The following GALNT18 variants were observed in gnomAD, a reference collection of about 807,000 sequenced individuals.
The protein encoded by GALNT18 is polypeptide N-acetylgalactosaminyltransferase 18.
In GALNT18, 44 loss-of-function variants were observed where a neutral mutation model predicts 69.5. The observed-to-expected ratio is 0.63, with a 90% CI of 0.50 to 0.81. The LOEUF (loss-of-function observed/expected upper bound fraction) is 0.81, where lower values mean the gene tolerates loss of function less well. Ranked by LOEUF, GALNT18 falls within the 40% of genes least tolerant of loss-of-function variation. The pLI, the probability that GALNT18 is intolerant of heterozygous loss-of-function variation, is 0.00. For missense variants in GALNT18, 715 were observed against 810.0 expected, an observed-to-expected ratio of 0.88 and a Z score of 1.42; for synonymous variants, 364 against 318.2, an observed-to-expected ratio of 1.14 and a Z score of -1.53.
chr11:11,414,256 A>C (rs910094248), intron 3 of GALNT18, among the ~76,000 whole-genome samples: 1 of 152,234 alleles, frequency 6.6e-6, no homozygotes, highest in Non-Finnish European at 1.5e-5. Context: ...AGAGCTTCAA[A>C]AATGCCCATT....
intron 1 of GALNT18, among the ~76,000 whole-genome samples, chr11:11,502,722 C>G (rs188440492): frequency 6.6e-6 from 1 of 152,162 alleles, no homozygotes; most frequent in Non-Finnish European, 1.5e-5. Context: ...ATTTGGCAGC[C>G]GCAGACTTTG....
At position 11,315,536 on chromosome 11, in the gene GALNT18, A is replaced by G. The variant is rs747608318; in HGVS notation, c.1512+11550T>C. Among the ~76,000 whole-genome samples, 5 of 151,906 alleles carry G rather than the reference A, an allele frequency of 3.3e-5. No individual in the cohort carries two copies. Among genetic ancestry groups the G allele is most frequent in the Admixed American group, 2.0e-4 (3 of 15,248 alleles). On this transcript the variant is annotated intron_variant, in intron 9 of 10. Coordinates refer to ENST00000227756, the MANE Select transcript of GALNT18 (RefSeq NM_198516.3). The surrounding 1 kb of genome is among the most constrained non-coding windows in gnomAD (Gnocchi z 5.6). The stretch of plus-strand genomic sequence containing the variant: ...GGGATAACCGCAGGTTTTCAGCCCA[A>G]CTCTTAGCCTCCGATGTCCCCTTTC...
At chr11:11,275,625 G>A (rs1192740304) in intron 10 of GALNT18, among the ~76,000 whole-genome samples, 1 of 152,148 alleles carries the variant, frequency 6.6e-6, no homozygotes, top group Admixed American at 6.5e-5. Context: ...TGTCCCGAAT[G>A]GTACTGCCCA....
chr11:11,294,000 G>A (rs1432889693), intron 9 of GALNT18, among the ~76,000 whole-genome samples: 2 of 152,206 alleles, frequency 1.3e-5, no homozygotes, highest in African/African-American at 4.8e-5. Flanking sequence ...GATGACAAAT[G>A]TTTGGTTTTC....
intron 10 of GALNT18, among the ~76,000 whole-genome samples, chr11:11,280,078 C>G (rs1564877025): frequency 6.6e-6 from 1 of 152,080 alleles, no homozygotes; most frequent in Non-Finnish European, 1.5e-5. Flanking sequence ...ATCACACAAA[C>G]CTATTCAGAA....
intron 1 of GALNT18, among the ~76,000 whole-genome samples, chr11:11,561,837 C>T (rs1055473730): frequency 2.0e-5 from 3 of 152,146 alleles, no homozygotes; most frequent in African/African-American, 4.8e-5. Context: ...AGACGAGAAC[C>T]GGGCAGGGGA....
At chr11:11,373,005 C>G (rs974800824) in intron 5 of GALNT18, among the ~76,000 whole-genome samples, 1 of 152,114 alleles carries the variant, frequency 6.6e-6, no homozygotes, top group Non-Finnish European at 1.5e-5. Flanking sequence ...AGCTTTCTTA[C>G]CCTTCCCCAA....
In GALNT18 at chr11:11,596,407, C is replaced by T. The variant is rs1859502774; in HGVS notation, c.235+24952G>A. On this transcript the variant is annotated intron_variant, in intron 1 of 10. Transcript: ENST00000227756. This position sits in a 1 kb window ranked among gnomAD's most constrained non-coding sequence, Gnocchi z 4.2. Reference sequence around the variant, plus strand: ...CATCAGAATTTTAAGATAAGCCTGTCAATTTCTGTGTAAAAGCCAGCTGGG... The same window carrying T: ...CATCAGAATTTTAAGATAAGCCTGTTAATTTCTGTGTAAAAGCCAGCTGGG... Among the ~76,000 whole-genome samples, 1 of 152,148 alleles carries T rather than the reference C, an allele frequency of 6.6e-6. No homozygotes were observed.
At chr11:11,581,194 G>A (rs988289528) in intron 1 of GALNT18, among the ~76,000 whole-genome samples, 14 of 152,234 alleles carry the variant, frequency 9.2e-5, no homozygotes, top group African/African-American at 3.4e-4. Context: ...CAGGGCTGGA[G>A]TAGGGGCCCC....
At chr11:11,610,659 C>T (rs545082350) in intron 1 of GALNT18, among the ~76,000 whole-genome samples, 9 of 152,292 alleles carry the variant, frequency 5.9e-5, no homozygotes, top group Admixed American at 5.9e-4. Flanking sequence ...GCCCAGTTAT[C>T]GAGTTGGACA....
intron 1 of GALNT18, among the ~76,000 whole-genome samples, chr11:11,565,908 G>A (rs923612827): frequency 4.6e-5 from 7 of 152,306 alleles, no homozygotes; most frequent in African/African-American, 1.7e-4. Flanking sequence ...GTGTAGAGAA[G>A]TGTTTTGAGC....
chr11:11,414,592 T>A (rs574504356), intron 3 of GALNT18, among the ~76,000 whole-genome samples: 9 of 152,194 alleles, frequency 5.9e-5, no homozygotes, highest in Non-Finnish European at 1.2e-4. Context: ...CCACCCCACA[T>A]TAGATTTATT....
chr11:11,374,169 G>A lies in GALNT18; in HGVS notation c.978-1540C>T, dbSNP rs142868469. Among the ~76,000 whole-genome samples, 334 of 152,278 alleles carry A rather than the reference G, an allele frequency of 2.2e-3. 3 individuals are homozygous for A. Among genetic ancestry groups the A allele is most frequent in the Middle Eastern group, 6.8e-3 (2 of 294 alleles). ...TAATCCACCACTCCTAAAGCAGACT[G>A]AGACCCTGCTGTGGTGGAGGTAACT... On this transcript the variant is annotated intron_variant, in intron 5 of 10. Coordinates refer to ENST00000227756, the MANE Select transcript of GALNT18 (RefSeq NM_198516.3).
intron 1 of GALNT18, among the ~76,000 whole-genome samples, chr11:11,554,555 G>C (rs965855620): frequency 6.6e-6 from 1 of 152,084 alleles, no homozygotes; most frequent in African/African-American, 2.4e-5. Flanking sequence ...AAGTTAACCA[G>C]GCTTTCTTAC....
At chr11:11,438,956 C>T (rs754861607) in intron 2 of GALNT18, among the ~76,000 whole-genome samples, 2 of 152,098 alleles carry the variant, frequency 1.3e-5, no homozygotes, top group Non-Finnish European at 2.9e-5. Flanking sequence ...TGTGGCATCT[C>T]CATTTGACTC....
intron 10 of GALNT18, among the ~76,000 whole-genome samples, chr11:11,278,205 A>T (rs905399794): frequency 2.1e-4 from 32 of 151,990 alleles, no homozygotes; most frequent in Non-Finnish European, 3.4e-4. Context: ...CCAACACCAT[A>T]ATGGTGGGAG....
In GALNT18 at chr11:11,541,352, C is replaced by T. The variant is rs1161226054; in HGVS notation, c.235+80007G>A. On this transcript the variant is annotated intron_variant, in intron 1 of 10. Transcript: ENST00000227756. The surrounding 1 kb of genome is among the most constrained non-coding windows in gnomAD (Gnocchi z 4.8). ...TCCTCAAACTCCACCTAGATCACCA[C>T]CGTTATGATGATGATCTCCGCCTTC... Among the ~76,000 whole-genome samples the T allele has an allele frequency of 2.6e-5, 4 of 152,178 alleles. No individual in the cohort carries two copies. Among genetic ancestry groups the T allele is most frequent in the Admixed American group, 2.6e-4 (4 of 15,276 alleles).
intron 3 of GALNT18, among the ~76,000 whole-genome samples, chr11:11,431,415 G>C (rs1205344123): frequency 6.6e-6 from 1 of 152,140 alleles, no homozygotes; most frequent in Non-Finnish European, 1.5e-5. Flanking sequence ...CATCAGAGAT[G>C]GGAGCTGAGC....
intron 3 of GALNT18, among the ~76,000 whole-genome samples, chr11:11,399,664 A>G (rs955031568): frequency 1.3e-5 from 2 of 152,176 alleles, no homozygotes; most frequent in Non-Finnish European, 2.9e-5. Context: ...TTAAATCCCA[A>G]CCCCACTTAC....
Sources: gnomAD v4.1 joint callset for allele counts (sites outside exome capture counted in the v4.1 genomes callset) on GRCh38, gnomAD v4.1.1 for gene constraint, Gnocchi (gnomAD v3.1) non-coding constraint, MANE v1.5 for transcripts, NCBI Gene and HGNC (gene_info 2026-07-23, HGNC 2026-07-21) for gene names.